Variants in TMCO5A observed in about 807,000 individuals in gnomAD.
TMCO5A encodes transmembrane and coiled-coil domain-containing protein 5A.
TMCO5A carries 34 observed loss-of-function variants against 42.3 expected under a neutral mutation model. That is an observed-to-expected ratio of 0.80 (90% CI 0.61 to 1.07). The LOEUF is 1.07. TMCO5A is among the 50% of genes least tolerant of loss of function. The pLI is 0.00. For synonymous variants in TMCO5A, 131 were observed against 115.6 expected, an observed-to-expected ratio of 1.13 and a Z score of -0.86; for missense variants, 357 against 327.9, an observed-to-expected ratio of 1.09 and a Z score of -0.69.
At chr15:38,038,286 T>C in the TMCO5A span, among the ~76,000 whole-genome samples, 1 of 152,214 alleles carries the variant, frequency 6.6e-6, no homozygotes, top group South Asian at 2.1e-4. Flanking sequence ...TTTCCTATGA[T>C]GGGACGATGG....
the TMCO5A span, among the ~76,000 whole-genome samples, chr15:38,039,700 T>G: frequency 6.6e-6 from 1 of 152,232 alleles, no homozygotes; most frequent in Non-Finnish European, 1.5e-5. Flanking sequence ...AACAGAATAT[T>G]TGCCTTGACA....
At chr15:37,978,494 G>C in the TMCO5A span, among the ~76,000 whole-genome samples, 1 of 152,200 alleles carries the variant, frequency 6.6e-6, no homozygotes, top group African/African-American at 2.4e-5. Context: ...ACAGGAAAAA[G>C]AGTCTGAGTT....
the TMCO5A span, among the ~76,000 whole-genome samples, chr15:38,008,113 T>C: frequency 6.6e-6 from 1 of 151,844 alleles, no homozygotes; most frequent in Non-Finnish European, 1.5e-5. Context: ...GCCGGGATGG[T>C]CTCGATCTCC....
At chr15:37,993,798 C>T in the TMCO5A span, among the ~76,000 whole-genome samples, 6 of 152,122 alleles carry the variant, frequency 3.9e-5, no homozygotes, top group African/African-American at 1.4e-4. Flanking sequence ...GAGGCTTACC[C>T]GGCTCCCACA....
the TMCO5A span, among the ~76,000 whole-genome samples, chr15:37,983,592 G>C: frequency 6.6e-6 from 1 of 152,130 alleles, no homozygotes; most frequent in African/African-American, 2.4e-5. Context: ...CAGACTCATA[G>C]AATTGGCAAG....
downstream of TMCO5A, among the ~76,000 whole-genome samples, chr15:37,952,400 A>G (rs992163141): frequency 6.6e-6 from 1 of 152,044 alleles, no homozygotes; most frequent in East Asian, 1.9e-4. Context: ...AAGATAGGGC[A>G]CCAGTCAGAG....
the TMCO5A span, among the ~76,000 whole-genome samples, chr15:38,000,040 G>A: frequency 2.6e-5 from 4 of 152,122 alleles, no homozygotes; most frequent in Admixed American, 1.3e-4. Context: ...CATGTAGAAT[G>A]AGTTTGGAAG....
chr15:38,015,108 C>T, the TMCO5A span, among the ~76,000 whole-genome samples: 1 of 151,824 alleles, frequency 6.6e-6, no homozygotes, highest in Middle Eastern at 3.4e-3. Flanking sequence ...TTTATATTTG[C>T]TGGCAGCTGA....
chr15:38,034,640 T>A, the TMCO5A span, among the ~76,000 whole-genome samples: 3 of 152,148 alleles, frequency 2.0e-5, no homozygotes, highest in Non-Finnish European at 2.9e-5. Context: ...TCTTCCCAGT[T>A]ACAGCCATCA....
intron 9 of TMCO5A, 122 bp from the exon 10 acceptor site, chr15:37,943,215 TAGAC>T: frequency 1.3e-6 from 1 of 746,496 alleles, no homozygotes; most frequent in Non-Finnish European, 2.1e-6. Context: ...TAGCTATAGG[TAGAC>T]AGTAGTTACA....
At chr15:37,984,459 A>G in the TMCO5A span, among the ~76,000 whole-genome samples, 3 of 152,194 alleles carry the variant, frequency 2.0e-5, no homozygotes, top group Non-Finnish European at 4.4e-5. Context: ...GCGCTGCAAC[A>G]TGAGTACATG....
At chr15:37,960,971 T>A (rs2140814085) in intron 11 of TMCO5A, among the ~76,000 whole-genome samples, 1 of 149,602 alleles carries the variant, frequency 6.7e-6, no homozygotes, top group Non-Finnish European at 1.5e-5. Flanking sequence ...TTGCGAAGAT[T>A]TTCTGCCACT....
chr15:37,985,674 T>C, the TMCO5A span, among the ~76,000 whole-genome samples: 1 of 152,166 alleles, frequency 6.6e-6, no homozygotes, highest in African/African-American at 2.4e-5. Flanking sequence ...GTGACCTTCT[T>C]TGAGTCCCTT....
chr15:38,025,849 T>G, the TMCO5A span, among the ~76,000 whole-genome samples: 67 of 152,320 alleles, frequency 4.4e-4, no homozygotes, highest in African/African-American at 1.5e-3. Context: ...CATACTGTTC[T>G]CAGGGTAGTG....
At chr15:37,966,265 G>A (rs970872918) in intron 11 of TMCO5A, among the ~76,000 whole-genome samples, 3 of 151,714 alleles carry the variant, frequency 2.0e-5, no homozygotes, top group African/African-American at 7.3e-5. Context: ...GATGATGGCA[G>A]GGAGGTGAGA....
At chr15:37,994,311 C>T in the TMCO5A span, among the ~76,000 whole-genome samples, 10 of 152,148 alleles carry the variant, frequency 6.6e-5, no homozygotes, top group East Asian at 1.9e-4. Flanking sequence ...ATGCAAGATC[C>T]GGCTAAGAGA....
intron 11 of TMCO5A, among the ~76,000 whole-genome samples, chr15:37,962,579 C>G (rs1366850663): frequency 6.6e-6 from 1 of 151,912 alleles, no homozygotes; most frequent in Admixed American, 6.6e-5. Context: ...TGGGGGTTCC[C>G]TCTTTATCTT....
At chr15:37,999,172 C>T in the TMCO5A span, among the ~76,000 whole-genome samples, 72 of 152,356 alleles carry the variant, frequency 4.7e-4, 1 homozygote, top group East Asian at 0.012. Context: ...TCCCAAAGTG[C>T]TGGGATTACA....
the TMCO5A span, among the ~76,000 whole-genome samples, chr15:37,985,077 G>C: frequency 2.2e-4 from 34 of 151,118 alleles, no homozygotes; most frequent in Non-Finnish European, 1.5e-5. Context: ...CAACAGAACA[G>C]AACATAGAAT....
Sources: gnomAD v4.1 joint callset for allele counts (sites outside exome capture counted in the v4.1 genomes callset) on GRCh38, gnomAD v4.1.1 for gene constraint, MANE v1.5 for transcripts, NCBI Gene and HGNC (gene_info 2026-07-23, HGNC 2026-07-21) for gene names.